The following DNAAF5 variants were observed in gnomAD, a reference collection of about 807,000 sequenced individuals.
DNAAF5 encodes the protein HEAT repeat containing 2.
In DNAAF5, 64 loss-of-function variants were observed where a neutral mutation model predicts 75.8. The ratio of observed to expected loss-of-function variants is 0.84; its 90% CI spans 0.69 to 1.04. The LOEUF (loss-of-function observed/expected upper bound fraction) is 1.04. DNAAF5 is among the 50% of genes least tolerant of loss of function. The pLI is 0.00. For missense variants in DNAAF5, 1,269 were observed against 1,178.5 expected (o/e 1.08, Z -1.12); for synonymous variants, 657 against 557.2 (o/e 1.18, Z -2.52).
At chr7:744,290 T>C (rs1428648359) in intron 4 of DNAAF5, among the ~76,000 whole-genome samples, 1 of 152,250 alleles carries the variant, frequency 6.6e-6, no homozygotes, top group African/African-American at 2.4e-5. Context: ...TATGGCTGCA[T>C]AGTATTCCAT....
chr7:729,932 T>C, intron 2 of DNAAF5, 85 bp downstream of exon 2: 1 of 1,354,458 alleles, frequency 7.4e-7, no homozygotes, highest in Non-Finnish European at 1.0e-6. Flanking sequence ...TCACTTGTTC[T>C]TTTTTCAGAG....
chr7:774,425 C>G (rs558097921), intron 10 of DNAAF5, among the ~76,000 whole-genome samples: 2 of 152,274 alleles, frequency 1.3e-5, no homozygotes, highest in African/African-American at 4.8e-5. Context: ...GCCGCGGGCC[C>G]AGCCAGCCCG....
At chr7:732,706 T>TTTTCTA in intron 2 of DNAAF5, 1 of 445,628 alleles carries the variant, frequency 2.2e-6, no homozygotes, top group Non-Finnish European at 4.5e-6. Context: ...TTCTATTGAG[T>TTTTCTA]TTGAGCTCCT....
chr7:732,168 G>T (rs998639646), intron 2 of DNAAF5, among the ~76,000 whole-genome samples: 1 of 152,244 alleles, frequency 6.6e-6, no homozygotes, highest in Non-Finnish European at 1.5e-5. Context: ...CGGTCTAGCC[G>T]CCCTGGAGCC....
intron 4 of DNAAF5, among the ~76,000 whole-genome samples, chr7:748,894 CT>C (rs1257496243): frequency 6.6e-6 from 1 of 152,226 alleles, no homozygotes; most frequent in Non-Finnish European, 1.5e-5. Context: ...TTTCAGACCA[CT>C]GCTAATGCAG....
intron 8 of DNAAF5, 101 bp from the exon 9 acceptor site, chr7:770,370 C>T (rs535835550): frequency 2.2e-4 from 232 of 1,063,592 alleles, no homozygotes; most frequent in Middle Eastern, 1.9e-3. Flanking sequence ...GCCGATAGTG[C>T]CCTCTCCCAG....
intron 9 of DNAAF5, chr7:772,968 AAAAAAAAAAAATTT>A (rs1443710905): frequency 6.6e-6 from 1 of 152,056 alleles, no homozygotes; most frequent in Non-Finnish European, 1.5e-5. Flanking sequence ...ATTAAAAAAA[AAAAAAAAAAAATTT>A]AAAAAAACCT....
intron 11 of DNAAF5, 163 bp from the exon 12 acceptor site, chr7:779,790 C>T (rs934656520): frequency 3.5e-5 from 22 of 629,994 alleles, no homozygotes; most frequent in Non-Finnish European, 5.7e-5. Context: ...GCCAGGAGCA[C>T]CTTGCATGTG....
intron 9 of DNAAF5, chr7:771,195 A>G (rs1337313117): frequency 6.6e-6 from 1 of 152,322 alleles, no homozygotes; most frequent in East Asian, 1.9e-4. Context: ...TATCTAAGAC[A>G]ACTTTTAGGT....
At chr7:762,583 C>T (rs1405012497) in intron 7 of DNAAF5, among the ~76,000 whole-genome samples, 2 of 152,018 alleles carry the variant, frequency 1.3e-5, no homozygotes, top group African/African-American at 4.8e-5. Flanking sequence ...TTCAGAAGTA[C>T]TTCTCGCCCA....
At chr7:773,967 G>A (rs904268065) in intron 9 of DNAAF5, 81 bp from the exon 10 acceptor site, 53 of 1,530,736 alleles carry the variant, frequency 3.5e-5, no homozygotes, top group African/African-American at 5.5e-5. Context: ...TCCCCCCTCA[G>A]CCCCATTCAT....
Position 731,085 on chromosome 7 carries a change from G to A in DNAAF5, c.780+1238G>A, listed in dbSNP as rs115043492. ...ACAGAGCCCAGCAAGAAGTGCAGGC[G>A]GCCGGCTGGTTTTTCTCTCCCACCT... On this transcript the variant is annotated intron_variant, in intron 2 of 12. Transcript: ENST00000297440. 5.6e-3 allele frequency among the ~76,000 whole-genome samples: 853 copies of A among 152,290 alleles called. 11 individuals are homozygous for A. The highest frequency in any genetic ancestry group is 0.019 in the African/African-American group (809 of 41,548).
chr7:751,675 G>C (rs1367375792), intron 4 of DNAAF5, among the ~76,000 whole-genome samples: 1 of 150,592 alleles, frequency 6.6e-6, no homozygotes, highest in Non-Finnish European at 1.5e-5. Flanking sequence ...CTGGGTTCAA[G>C]TGATTCTGCT....
intron 5 of DNAAF5, 92 bp from the exon 6 acceptor site, chr7:756,690 G>T: frequency 8.8e-7 from 1 of 1,133,728 alleles, no homozygotes; most frequent in Non-Finnish European, 1.3e-6. Flanking sequence ...TCTGGTGCAC[G>T]GCTGTGTCTG....
chr7:745,673 G>C (rs549350528), intron 4 of DNAAF5, among the ~76,000 whole-genome samples: 1 of 148,358 alleles, frequency 6.7e-6, no homozygotes, highest in South Asian at 2.3e-4. Context: ...TCACACACGT[G>C]TACACACATA....
intron 9 of DNAAF5, chr7:771,629 A>C (rs1778567817): frequency 6.6e-6 from 1 of 152,286 alleles, no homozygotes; most frequent in Admixed American, 6.5e-5. Flanking sequence ...CAGGGCTTAG[A>C]ACGGACCATA....
chr7:734,029 A>G lies in DNAAF5; in HGVS notation c.780+4182A>G, dbSNP rs184516752. Among the ~76,000 whole-genome samples the G allele has an allele frequency of 2.6e-4, 39 of 152,304 alleles. No individual in the cohort carries two copies. In the Middle Eastern group the frequency reaches 0.01, roughly 40 times the overall value. On this transcript the variant is annotated intron_variant, in intron 2 of 12. Coordinates refer to ENST00000297440, the MANE Select transcript of DNAAF5 (RefSeq NM_017802.4). ...TTTTGTGGAATCTTTAGGTTTTTCC[A>G]AATGTAAGATTATATCATCTGCAAA...
chr7:746,599 C>T (rs1181555245), intron 4 of DNAAF5, among the ~76,000 whole-genome samples: 2 of 149,796 alleles, frequency 1.3e-5, no homozygotes, highest in Non-Finnish European at 3.0e-5. Flanking sequence ...GCCCGTCGTG[C>T]CTAGGGACTG....
intron 2 of DNAAF5, among the ~76,000 whole-genome samples, chr7:736,440 C>A (rs1781741619): frequency 6.6e-6 from 1 of 152,202 alleles, no homozygotes; most frequent in African/African-American, 2.4e-5. Context: ...GCTGAGTTGA[C>A]CCCTTTATCA....
Sources: gnomAD v4.1 joint callset for allele counts (sites outside exome capture counted in the v4.1 genomes callset) on GRCh38, gnomAD v4.1.1 for gene constraint, MANE v1.5 for transcripts, NCBI Gene and HGNC (gene_info 2026-07-23, HGNC 2026-07-21) for gene names.